OTUD3: variants seen among roughly 807,000 people sequenced by gnomAD.
OTUD3 encodes the protein OTU deubiquitinase 3, also known as OTU domain-containing protein 3.
In OTUD3, 24 loss-of-function variants were observed where a neutral mutation model predicts 46.2. The observed-to-expected ratio is 0.52, with a 90% CI of 0.38 to 0.73. The LOEUF (loss-of-function observed/expected upper bound fraction) is 0.73, where lower values mean the gene tolerates loss of function less well. Ranked by LOEUF, OTUD3 falls within the 30% of genes least tolerant of loss-of-function variation. The pLI is 0.00. For missense variants in OTUD3, 455 were observed against 523.3 expected (o/e 0.87, Z 1.27); for synonymous variants, 189 against 195.4 (o/e 0.97, Z 0.27).
rs2045713071 is a variant in OTUD3, at chr1:19,909,925, T to TAAAAATTACTAAATTACTAAAAAAA, written c.*2179_*2180insAAAAATTACTAAATTACTAAAAAAA. ...CAAACGGCTTTAGTAATTTTACTACTGGTTTCACAGCTTTTCAGTTACAGT... is the reference window on the plus strand; with the variant it reads ...CAAACGGCTTTAGTAATTTTACTACTAAAAATTACTAAATTACTAAAAAAAGGTTTCACAGCTTTTCAGTTACAGT... On this transcript the variant is annotated 3_prime_UTR_variant, in exon 8 of 8. Coordinates refer to ENST00000375120, the MANE Select transcript of OTUD3 (RefSeq NM_015207.2). 2 of 152,388 alleles carry TAAAAATTACTAAATTACTAAAAAAA rather than the reference T, an allele frequency of 1.3e-5. No homozygotes were observed. The highest frequency in any genetic ancestry group is 2.9e-5 in the Non-Finnish European group (2 of 68,036). The allele number at this position is 152,388 out of a possible 1,614,324, so 9.4% of individuals were successfully genotyped here.
At chr1:19,887,735 A>G (rs1383587319) in intron 1 of OTUD3, among the ~76,000 whole-genome samples, 1 of 152,198 alleles carries the variant, frequency 6.6e-6, no homozygotes. Flanking sequence ...CTTTAGGCCA[A>G]ACATCACTAG....
chr1:19,897,379 A>C (rs2045530555), intron 3 of OTUD3, among the ~76,000 whole-genome samples, 161 bp from the exon 4 acceptor site: 1 of 152,184 alleles, frequency 6.6e-6, no homozygotes, highest in Non-Finnish European at 1.5e-5. Context: ...CATAGGAAGG[A>C]GGTAGTTTGG....
rs1460438622 is a variant in OTUD3 at position 19,904,874 on chromosome 1, G to T, written c.739-17G>T. 2.3e-6 allele frequency: 3 copies of T among 1,304,200 alleles called. No homozygotes were observed. Among genetic ancestry groups the T allele is most frequent in the Admixed American group, 2.0e-5 (1 of 50,562 alleles). 80.8% of individuals were successfully genotyped at this position (1,304,200 alleles called of 1,614,324 possible). On this transcript the variant is annotated splice_polypyrimidine_tract_variant and intron_variant, in intron 5 of 7. Transcript: ENST00000375120. ...GAGTTTTGAAGTGGTTTTTTTGTTT[G>T]TTTGTTTCTTGGATAGGATTTTAAT...
At position 19,886,602 on chromosome 1, in the gene OTUD3, T is replaced by C. The variant is rs185855813; in HGVS notation, c.222-3783T>C. 9.3e-4 allele frequency among the ~76,000 whole-genome samples: 141 copies of C among 152,320 alleles called. 2 individuals carry two copies. The East Asian group carries it at 0.022, about 24-fold the overall frequency. On this transcript the variant is annotated intron_variant, in intron 1 of 7. Transcript: ENST00000375120. ...AGAATCTTAGAGTGGGGCCTGGTTA[T>C]TGATGTTTTTTAAAAAAAAATTTAC...
rs773915342 is a variant in OTUD3 at position 19,909,026 on chromosome 1, T to TA, written c.*1282dup. 1 of 152,364 alleles carries TA rather than the reference T, an allele frequency of 6.6e-6. No individual in the cohort carries two copies. Among genetic ancestry groups the TA allele is most frequent in the Non-Finnish European group, 1.5e-5 (1 of 68,042 alleles). 9.4% of individuals were successfully genotyped at this position (152,364 alleles called of 1,614,324 possible). ...AAACTGAGTTAGGTGGATGTGAACT[T>TA]AAGAACTATAACGTATGAGGCAGCC... On this transcript the variant is annotated 3_prime_UTR_variant, in exon 8 of 8. Coordinates refer to ENST00000375120, the MANE Select transcript of OTUD3 (RefSeq NM_015207.2).
At chr1:19,894,263 A>G (rs2100275349) in intron 2 of OTUD3, 105 bp from the exon 3 acceptor site, 1 of 621,106 alleles carries the variant, frequency 1.6e-6, no homozygotes, top group East Asian at 2.7e-5. Flanking sequence ...TCTCAGATAT[A>G]TATCGTTGTT....
rs2045700068 is a variant in OTUD3, at chr1:19,908,880, A to G, written c.*1134A>G. 6.6e-6 allele frequency: 1 copy of G among 152,388 alleles called. No individual in the cohort carries two copies. Among genetic ancestry groups the G allele is most frequent in the Admixed American group, 6.5e-5 (1 of 15,290 alleles). 9.4% of individuals were successfully genotyped at this position (152,388 alleles called of 1,614,324 possible). ...AGCATCTGCTGGAAGTTGTTGGACC[A>G]GCAGGGTTGGTTGACTTAGGTTGGA... On this transcript the variant is annotated 3_prime_UTR_variant, in exon 8 of 8. Transcript: ENST00000375120.
chr1:19,893,069 C>G (rs1263778076), intron 2 of OTUD3, among the ~76,000 whole-genome samples: 1 of 152,162 alleles, frequency 6.6e-6, no homozygotes, highest in Non-Finnish European at 1.5e-5. Context: ...TGTCTTAACT[C>G]TTCCTTGTCC....
Position 19,907,619 on chromosome 1 carries a change from G to C in OTUD3, c.1070G>C (p.Arg357Pro). ...CAGCAGTGGATGGAGAAGAAGAAGCGGCAGGAGGAGAGGCACCGCCACAAA... is the reference window on the plus strand; with the variant it reads ...CAGCAGTGGATGGAGAAGAAGAAGCCGCAGGAGGAGAGGCACCGCCACAAA... ...REQQWMEKKKRQEERHRHKAL... is the reference protein window; with the variant it reads ...REQQWMEKKKPQEERHRHKAL... Residue 357 changes from arginine to proline, a missense_variant, in exon 8 of 8, where the codon CGG (arginine) becomes CCG (proline). Physicochemically the swap from Arg to Pro is moderately radical, Grantham distance 103 (BLOSUM62 -2). Transcript: ENST00000375120. 3 of 1,614,128 alleles carry C rather than the reference G, an allele frequency of 1.9e-6. No homozygotes were observed. The highest frequency in any genetic ancestry group is 2.5e-6 in the Non-Finnish European group (3 of 1,180,018).
At position 19,882,564 on chromosome 1, in the gene OTUD3, A is replaced by G; in HGVS notation, c.51A>G (p.Lys17=). 1.5e-6 allele frequency: 2 copies of G among 1,371,196 alleles called. No individual in the cohort carries two copies. Among genetic ancestry groups the G allele is most frequent in the Middle Eastern group, 2.6e-4 (1 of 3,898 alleles). The allele number at this position is 1,371,196 out of a possible 1,614,324, so 84.9% of individuals were successfully genotyped here. Residue 17 remains lysine, a synonymous_variant, in exon 1 of 8, where the codon AAA becomes AAG. Coordinates refer to ENST00000375120, the MANE Select transcript of OTUD3 (RefSeq NM_015207.2). ...GCCGGCCGGGCAGCGGCAGCCGGAA[A>G]GCCGAGGCCGAGCGCAAGCGGGACG... The part of the protein sequence containing the change: ...AKSRPGSGSR[K]AEAERKRDER...
intron 1 of OTUD3, among the ~76,000 whole-genome samples, chr1:19,887,385 A>AT (rs1422959711): frequency 1.6e-4 from 25 of 152,036 alleles, no homozygotes; most frequent in Admixed American, 1.4e-3. Context: ...CACCCGGCTG[A>AT]TGATCTCTCA....
chr1:19,890,799 G>C (rs528136193), intron 2 of OTUD3, among the ~76,000 whole-genome samples: 1 of 152,286 alleles, frequency 6.6e-6, no homozygotes, highest in African/African-American at 2.4e-5. Context: ...TGTGGGGTGG[G>C]AAAAGCAGGC....
intron 2 of OTUD3, among the ~76,000 whole-genome samples, chr1:19,891,474 A>G (rs1006122644): frequency 3.2e-4 from 49 of 152,152 alleles, no homozygotes; most frequent in Non-Finnish European, 1.0e-4. Context: ...AAAGGAGACT[A>G]GTTAGAAGGT....
intron 1 of OTUD3, among the ~76,000 whole-genome samples, chr1:19,887,564 T>A (rs2045384752): frequency 6.6e-6 from 1 of 152,188 alleles, no homozygotes; most frequent in Admixed American, 6.5e-5. Context: ...ATTGGCAGAA[T>A]CCTGAGTCTA....
At chr1:19,884,635 C>A (rs930540515) in intron 1 of OTUD3, among the ~76,000 whole-genome samples, 2 of 151,558 alleles carry the variant, frequency 1.3e-5, no homozygotes, top group Admixed American at 6.6e-5. Flanking sequence ...AAAGTTAAAA[C>A]ACAAGAATAC....
In OTUD3 at chr1:19,904,992, G is replaced by A. The variant is rs2045638762; in HGVS notation, c.835+5G>A. 6.0e-6 allele frequency: 8 copies of A among 1,343,042 alleles called. No individual in the cohort carries two copies. The highest frequency in any genetic ancestry group is 8.4e-6 in the Non-Finnish European group (8 of 948,516). The allele number at this position is 1,343,042 out of a possible 1,614,324, so 83.2% of individuals were successfully genotyped here. A position where few individuals can be genotyped will look rare whatever the true frequency, so the allele number is the denominator to read the frequency against. On this transcript the variant is annotated splice_donor_5th_base_variant and intron_variant, in intron 6 of 7. Transcript: ENST00000375120. ...TGAACCAAGGGAAGAGAAATAGTAA[G>A]TCCATGACTAATATTTATAGATCTT...
At position 19,909,027 on chromosome 1, in the gene OTUD3, AAG is replaced by A. The variant is rs1452147312; in HGVS notation, c.*1283_*1284del. The A allele has an allele frequency of 6.6e-6, 1 of 152,368 alleles. No homozygotes were observed. Among genetic ancestry groups the A allele is most frequent in the Non-Finnish European group, 1.5e-5 (1 of 68,030 alleles). The allele number at this position is 152,368 out of a possible 1,614,324, so 9.4% of individuals were successfully genotyped here. On this transcript the variant is annotated 3_prime_UTR_variant, in exon 8 of 8. Transcript: ENST00000375120. Reference sequence around the variant, plus strand: ...AACTGAGTTAGGTGGATGTGAACTTAAGAACTATAACGTATGAGGCAGCCCAT... The same window carrying A: ...AACTGAGTTAGGTGGATGTGAACTTAAACTATAACGTATGAGGCAGCCCAT...
chr1:19,882,878 G>A (rs893185699), intron 1 of OTUD3, 144 bp downstream of exon 1: 3 of 674,216 alleles, frequency 4.4e-6, no homozygotes, highest in Non-Finnish European at 4.3e-6. Context: ...CGAGTGCAGG[G>A]CGTCCAGCTG....
Position 19,911,871 on chromosome 1 carries a change from G to A in OTUD3, c.*4125G>A, listed in dbSNP as rs1224679486. The A allele has an allele frequency of 6.6e-6, 1 of 152,314 alleles. No homozygotes were observed. Among genetic ancestry groups the A allele is most frequent in the African/African-American group, 2.4e-5 (1 of 41,432 alleles). 9.4% of individuals were successfully genotyped at this position (152,314 alleles called of 1,614,324 possible). A position where few individuals can be genotyped will look rare whatever the true frequency, so the allele number is the denominator to read the frequency against. ...CCGCACACCGCTGATGGGGACCTCCGGAAAGAGCGGTGCCTTGTGGTTGGC... is the reference window on the plus strand; with the variant it reads ...CCGCACACCGCTGATGGGGACCTCCAGAAAGAGCGGTGCCTTGTGGTTGGC... On this transcript the variant is annotated 3_prime_UTR_variant, in exon 8 of 8. Coordinates refer to ENST00000375120, the MANE Select transcript of OTUD3 (RefSeq NM_015207.2).
Sources: gnomAD v4.1 joint callset for allele counts (sites outside exome capture counted in the v4.1 genomes callset) on GRCh38, gnomAD v4.1.1 for gene constraint, MANE v1.5 for transcripts, NCBI Gene and HGNC (gene_info 2026-07-23, HGNC 2026-07-21) for gene names.